Variants in NARS2 observed in about 807,000 individuals in gnomAD.
NARS2 encodes the protein asparaginyl-tRNA synthetase.
Under a neutral mutation model 62.9 loss-of-function variants are expected in NARS2, and 60 were observed. The observed-to-expected ratio is 0.95, with a 90% confidence interval of 0.77 to 1.18. The LOEUF (loss-of-function observed/expected upper bound fraction) is 1.18. Ranked by LOEUF, NARS2 falls within the 50% of genes most tolerant of loss-of-function variation. The probability of loss-of-function intolerance (pLI) is 0.00; values close to 1 mark genes in which losing one functional copy is unlikely to be tolerated. For synonymous variants in NARS2, 196 were observed against 200.0 expected (o/e 0.98, Z 0.17); for missense variants, 619 against 576.4 (o/e 1.07, Z -0.76).
intron 11 of NARS2, among the ~76,000 whole-genome samples, chr11:78,454,806 G>C (rs999896883): frequency 5.9e-5 from 9 of 152,020 alleles, no homozygotes; most frequent in African/African-American, 1.4e-4. Context: ...TTTTAGTAGA[G>C]ACAGGTTTCA....
At chr11:78,462,558 T>A (rs536020133) in intron 11 of NARS2, among the ~76,000 whole-genome samples, 5 of 152,104 alleles carry the variant, frequency 3.3e-5, no homozygotes, top group East Asian at 1.9e-4. Context: ...TAGAAAAAAA[T>A]ACATATATTT....
chr11:78,532,474 C>T, intron 5 of NARS2, among the ~76,000 whole-genome samples: 1 of 152,174 alleles, frequency 6.6e-6, no homozygotes, highest in East Asian at 1.9e-4. Context: ...AGAAGATATA[C>T]AGAAATGAAG....
intron 7 of NARS2, among the ~76,000 whole-genome samples, chr11:78,489,612 G>T (rs1273025420): frequency 2.0e-5 from 3 of 152,182 alleles, no homozygotes; most frequent in South Asian, 2.1e-4. Flanking sequence ...TAATGGCAGG[G>T]AGTGGGGAGG....
At chr11:78,491,452 G>T (rs569399608) in intron 7 of NARS2, among the ~76,000 whole-genome samples, 1 of 152,248 alleles carries the variant, frequency 6.6e-6, no homozygotes, top group African/African-American at 2.4e-5. Flanking sequence ...ACTGCTGATG[G>T]TTTATAGTTG....
At chr11:78,564,489 A>T (rs552216584) in intron 4 of NARS2, among the ~76,000 whole-genome samples, 3 of 152,120 alleles carry the variant, frequency 2.0e-5, no homozygotes, top group African/African-American at 7.2e-5. Flanking sequence ...CTGCACCCTG[A>T]CTACTTTATT....
chr11:78,449,437 A>G (rs1857885444), intron 11 of NARS2, among the ~76,000 whole-genome samples: 1 of 152,012 alleles, frequency 6.6e-6, no homozygotes, highest in African/African-American at 2.4e-5. Flanking sequence ...GCGCCTGGCC[A>G]AGTCACCTTA....
intron 6 of NARS2, among the ~76,000 whole-genome samples, chr11:78,526,741 G>T (rs1222276613): frequency 1.3e-4 from 19 of 151,954 alleles, no homozygotes; most frequent in Admixed American, 1.2e-3. Flanking sequence ...TACACTAGTG[G>T]TATTATAATA....
intron 6 of NARS2, among the ~76,000 whole-genome samples, chr11:78,522,544 A>T (rs949946549): frequency 5.3e-5 from 8 of 152,194 alleles, no homozygotes; most frequent in Non-Finnish European, 1.2e-4. Flanking sequence ...GTACACCAAA[A>T]TTTACTTACT....
intron 6 of NARS2, among the ~76,000 whole-genome samples, chr11:78,499,028 T>C (rs1340914400): frequency 6.7e-6 from 1 of 149,528 alleles, no homozygotes; most frequent in Non-Finnish European, 1.5e-5. Flanking sequence ...GCCATTCTCC[T>C]GCCTCAGCCT....
intron 5 of NARS2, among the ~76,000 whole-genome samples, chr11:78,543,908 G>C (rs181850670): frequency 6.7e-6 from 1 of 149,154 alleles, no homozygotes; most frequent in Admixed American, 6.8e-5. Flanking sequence ...GCGCGCACCT[G>C]TAGTCCCAGC....
At chr11:78,530,115 T>C (rs1861426389) in intron 5 of NARS2, among the ~76,000 whole-genome samples, 1 of 152,188 alleles carries the variant, frequency 6.6e-6, no homozygotes, top group Admixed American at 6.5e-5. Flanking sequence ...CCTTTTTTTT[T>C]CAAACTTACT....
intron 7 of NARS2, among the ~76,000 whole-genome samples, chr11:78,489,738 C>A (rs553160082): frequency 6.6e-6 from 1 of 152,182 alleles, no homozygotes; most frequent in Admixed American, 6.5e-5. Context: ...ACCTAGTAAT[C>A]CCACTCCTAG....
intron 6 of NARS2, among the ~76,000 whole-genome samples, chr11:78,522,119 A>C (rs1169078363): frequency 7.4e-6 from 1 of 134,960 alleles, no homozygotes; most frequent in Non-Finnish European, 1.6e-5. Flanking sequence ...CATCCAGCTA[A>C]TTTTTTTTTT....
chr11:78,440,075 T>A (rs1591116378), intron 13 of NARS2, among the ~76,000 whole-genome samples: 1 of 152,214 alleles, frequency 6.6e-6, no homozygotes, highest in Non-Finnish European at 1.5e-5. Flanking sequence ...TTAATTAATT[T>A]ATTTTTTGAG....
intron 6 of NARS2, among the ~76,000 whole-genome samples, chr11:78,504,119 T>A (rs942683220): frequency 4.6e-5 from 7 of 152,198 alleles, no homozygotes; most frequent in Non-Finnish European, 1.0e-4. Context: ...TCTACAGTAG[T>A]CCCTAAAATA....
At chr11:78,436,860 C>T in intron 13 of NARS2, 46 bp from the exon 14 acceptor site, 2 of 1,547,740 alleles carry the variant, frequency 1.3e-6, no homozygotes, top group Non-Finnish European at 1.8e-6. Flanking sequence ...TAGTATAAGA[C>T]CAGATGTTAT....
chr11:78,446,389 A>C (rs1857761459), intron 11 of NARS2, among the ~76,000 whole-genome samples: 1 of 152,242 alleles, frequency 6.6e-6, no homozygotes, highest in African/African-American at 2.4e-5. Context: ...GCTGGGCTCT[A>C]ATCAGGACCC....
chr11:78,545,606 C>A (rs1855840169), intron 5 of NARS2, among the ~76,000 whole-genome samples: 2 of 148,776 alleles, frequency 1.3e-5, no homozygotes, highest in Admixed American at 6.7e-5. Context: ...CTCACTGCAA[C>A]CTCCACCTCC....
chr11:78,545,797 C>T (rs1027369608), intron 5 of NARS2, among the ~76,000 whole-genome samples: 1 of 152,114 alleles, frequency 6.6e-6, no homozygotes, highest in Non-Finnish European at 1.5e-5. Flanking sequence ...CTTGGCCTAC[C>T]AACGTGCTGG....
Sources: gnomAD v4.1 joint callset for allele counts (sites outside exome capture counted in the v4.1 genomes callset) on GRCh38, gnomAD v4.1.1 for gene constraint, MANE v1.5 for transcripts, NCBI Gene and HGNC (gene_info 2026-07-23, HGNC 2026-07-21) for gene names.